Variants in CACNB4 observed in about 807,000 individuals in gnomAD.
CACNB4 encodes voltage-dependent L-type calcium channel subunit beta-4.
Under a neutral mutation model 71.2 loss-of-function variants are expected in CACNB4, and 32 were observed. That is an observed-to-expected ratio of 0.45 (90% CI 0.34 to 0.60). The LOEUF (loss-of-function observed/expected upper bound fraction) is 0.60. CACNB4 is among the 20% of genes least tolerant of loss of function. The probability of loss-of-function intolerance (pLI) is 0.01; values close to 1 mark genes in which losing one functional copy is unlikely to be tolerated. For missense variants in CACNB4, 464 were observed against 647.9 expected (o/e 0.72, Z 3.08); for synonymous variants, 231 against 236.9 (o/e 0.97, Z 0.23).
intron 2 of CACNB4, among the ~76,000 whole-genome samples, chr2:151,923,370 T>C (rs2099859434): frequency 6.6e-6 from 1 of 152,206 alleles, no homozygotes. Context: ...ATCTTGGTCT[T>C]TATTTATGTG....
chr2:151,883,161 T>C (rs2151452085), intron 3 of CACNB4, 90 bp downstream of exon 3: 1 of 1,328,084 alleles, frequency 7.5e-7, no homozygotes, highest in East Asian at 2.3e-5. Flanking sequence ...CACAAAATGA[T>C]TATTCCAGAA....
intron 2 of CACNB4, 49 bp from the exon 3 acceptor site, chr2:151,883,419 T>C (rs1216961173): frequency 6.2e-7 from 1 of 1,602,758 alleles, no homozygotes; most frequent in African/African-American, 1.3e-5. Context: ...CTTCTTAAAT[T>C]GTCACATCCA....
At position 151,834,121 on chromosome 2, in the gene CACNB4, T is replaced by C. The variant is rs2099834377; in HGVS notation, c.*4998A>G. 1 of 152,074 alleles carries C rather than the reference T, an allele frequency of 6.6e-6. No individual in the cohort carries two copies. Among genetic ancestry groups the C allele is most frequent in the Non-Finnish European group, 1.5e-5 (1 of 67,916 alleles). 9.4% of individuals were successfully genotyped at this position (152,074 alleles called of 1,614,324 possible). ...ATAGACATAGCCATTTGTTGAGAAA[T>C]TTAAGTGTTCAAAACATAACCAAGA... On this transcript the variant is annotated 3_prime_UTR_variant, in exon 14 of 14. Transcript: ENST00000539935.
At chr2:151,971,484 G>A (rs140004815) in intron 2 of CACNB4, 94 of 702,372 alleles carry the variant, frequency 1.3e-4, no homozygotes, top group African/African-American at 1.2e-3. Context: ...GCCTTTCCAC[G>A]CCTATCCACC....
chr2:152,034,656 C>T (rs770862760), intron 2 of CACNB4, among the ~76,000 whole-genome samples: 1 of 152,094 alleles, frequency 6.6e-6, no homozygotes, highest in African/African-American at 2.4e-5. Flanking sequence ...TTTTGTTTTC[C>T]TCTCTAGATG....
At chr2:152,039,485 G>A (rs565574452) in intron 2 of CACNB4, among the ~76,000 whole-genome samples, 2 of 151,970 alleles carry the variant, frequency 1.3e-5, no homozygotes, top group South Asian at 4.2e-4. Flanking sequence ...CAGTCTTTTG[G>A]AGGAAGCCTA....
At chr2:151,899,977 C>A (rs542699124) in intron 2 of CACNB4, among the ~76,000 whole-genome samples, 2 of 152,214 alleles carry the variant, frequency 1.3e-5, no homozygotes, top group Admixed American at 1.3e-4. Context: ...AATACAAATC[C>A]AATCAGTGAC....
intron 2 of CACNB4, among the ~76,000 whole-genome samples, chr2:152,031,194 A>G (rs1684264348): frequency 6.6e-6 from 1 of 152,172 alleles, no homozygotes; most frequent in African/African-American, 2.4e-5. Flanking sequence ...AGCACCTAAT[A>G]TTGTACATCC....
At chr2:151,968,355 T>C (rs2099871677) in intron 2 of CACNB4, 1 of 152,236 alleles carries the variant, frequency 6.6e-6, no homozygotes, top group South Asian at 2.1e-4. Context: ...ACAGAGCCTA[T>C]ATCTGTAGCG....
intron 2 of CACNB4, among the ~76,000 whole-genome samples, chr2:151,985,463 G>GT (rs1422729260): frequency 3.3e-5 from 5 of 152,066 alleles, no homozygotes; most frequent in African/African-American, 1.2e-4. Context: ...ATATTCTTGG[G>GT]TCAAAGTATA....
At chr2:151,982,876 T>C (rs940448669) in intron 2 of CACNB4, among the ~76,000 whole-genome samples, 2 of 152,112 alleles carry the variant, frequency 1.3e-5, no homozygotes, top group South Asian at 4.1e-4. Context: ...AGTAAAAATA[T>C]TGAGGTCAGT....
chr2:151,949,918 C>T (rs148648606), intron 2 of CACNB4, among the ~76,000 whole-genome samples: 7 of 151,966 alleles, frequency 4.6e-5, no homozygotes, highest in African/African-American at 7.2e-5. Context: ...CATGGTGGCA[C>T]GCGCCTGTAG....
At chr2:151,938,624 G>A (rs1325198303) in intron 2 of CACNB4, among the ~76,000 whole-genome samples, 1 of 152,190 alleles carries the variant, frequency 6.6e-6, no homozygotes, top group Non-Finnish European at 1.5e-5. Flanking sequence ...TTACCTGGAT[G>A]TCAGAATGTC....
At chr2:152,092,115 A>C (rs1368541497) in intron 2 of CACNB4, among the ~76,000 whole-genome samples, 1 of 152,170 alleles carries the variant, frequency 6.6e-6, no homozygotes, top group Non-Finnish European at 1.5e-5. Flanking sequence ...TGTCTGTTCT[A>C]CCATTATCTA....
intron 2 of CACNB4, among the ~76,000 whole-genome samples, chr2:152,051,467 G>A (rs1335517019): frequency 1.3e-5 from 2 of 152,118 alleles, no homozygotes; most frequent in African/African-American, 4.8e-5. Context: ...CCAGTGTGAT[G>A]GCATTTGGAG....
At chr2:151,847,044 G>A (rs1412713778) in intron 12 of CACNB4, among the ~76,000 whole-genome samples, 4 of 148,814 alleles carry the variant, frequency 2.7e-5, no homozygotes, top group Non-Finnish European at 4.4e-5. Flanking sequence ...TAATATGGGT[G>A]AGCACACTTT....
At chr2:151,943,882 C>G (rs1184222021) in intron 2 of CACNB4, among the ~76,000 whole-genome samples, 1 of 152,166 alleles carries the variant, frequency 6.6e-6, no homozygotes, top group Admixed American at 6.5e-5. Context: ...CCAATTTTAC[C>G]TACATTCAAG....
At chr2:151,996,120 G>T (rs1053140523) in intron 2 of CACNB4, among the ~76,000 whole-genome samples, 1 of 152,148 alleles carries the variant, frequency 6.6e-6, no homozygotes, top group Admixed American at 6.5e-5. Context: ...TTCAAGAACG[G>T]TATTGCCCGT....
At chr2:151,917,435 T>A (rs2099857806) in intron 2 of CACNB4, among the ~76,000 whole-genome samples, 1 of 152,192 alleles carries the variant, frequency 6.6e-6, no homozygotes, top group Non-Finnish European at 1.5e-5. Context: ...CACACAGGAT[T>A]GTGGACTAAG....
Sources: gnomAD v4.1 joint callset for allele counts (sites outside exome capture counted in the v4.1 genomes callset) on GRCh38, gnomAD v4.1.1 for gene constraint, MANE v1.5 for transcripts, NCBI Gene and HGNC (gene_info 2026-07-23, HGNC 2026-07-21) for gene names.